The following PIEZO2 variants were observed in gnomAD, a reference collection of about 807,000 sequenced individuals.
PIEZO2 encodes piezo-type mechanosensitive ion channel component 2.
Under a neutral mutation model 337.3 loss-of-function variants are expected in PIEZO2, and 172 were observed. The observed-to-expected ratio is 0.51, with a 90% CI of 0.45 to 0.58. PIEZO2 has a LOEUF of 0.58. Among genes scored for constraint, PIEZO2 ranks in the 20% least tolerant of loss-of-function variants. PIEZO2 has a pLI of 0.00. For missense variants in PIEZO2, 3,028 were observed against 3,391.3 expected (o/e 0.89, Z 2.66); for synonymous variants, 1,251 against 1,228.5 (o/e 1.02, Z -0.38).
intron 39 of PIEZO2, chr18:10,709,091 TAAAGG>T (rs1473163744): frequency 3.9e-5 from 6 of 152,200 alleles, no homozygotes; most frequent in Non-Finnish European, 7.3e-5. Flanking sequence ...TAAAAGGCTG[TAAAGG>T]AAAGAACAAA....
Position 10,871,266 on chromosome 18 carries a change from T to G in PIEZO2, c.479A>C (p.Glu160Ala), listed in dbSNP as rs1047561401. The G allele has an allele frequency of 3.1e-5, 48 of 1,536,302 alleles. No homozygotes were observed. The highest frequency in any genetic ancestry group is 3.8e-5 in the Non-Finnish European group (43 of 1,146,638). Residue 160 changes from glutamate (E) to alanine (A), a missense_variant, in exon 5 of 56, where the codon GAA (glutamate) becomes GCA (alanine). This residue lies in a region of PIEZO2 where 542 missense variants were observed against 605.6 expected (regional missense o/e 0.89). Transcript: ENST00000674853. ...AGTTGGATTTACCAATTCTTCATTT[T>G]CAAACTCCGGGTTACTCTGTGCTGC... Reference protein sequence around the residue: ...DEAAQSNPEFENEELAEGEKI... With the variant: ...DEAAQSNPEFANEELAEGEKI...
intron 4 of PIEZO2, among the ~76,000 whole-genome samples, chr18:10,905,536 T>C (rs2043153343): frequency 6.7e-6 from 1 of 148,500 alleles, no homozygotes; most frequent in South Asian, 2.1e-4. Flanking sequence ...TGAGCCGAGA[T>C]CATGCCATTG....
At chr18:10,733,501 G>A (rs1380154393) in intron 35 of PIEZO2, among the ~76,000 whole-genome samples, 3 of 146,504 alleles carry the variant, frequency 2.0e-5, no homozygotes, top group Non-Finnish European at 4.5e-5. Context: ...GCAGGCTGGA[G>A]AGCAGTGGCG....
intron 42 of PIEZO2, 49 bp from the exon 43 acceptor site, chr18:10,702,220 G>T (rs1030304844): frequency 6.1e-6 from 9 of 1,479,866 alleles, no homozygotes; most frequent in African/African-American, 1.4e-5. Context: ...TTTAGGAATA[G>T]ATATACCTGT....
At chr18:11,085,814 C>T (rs1449585152) in intron 1 of PIEZO2, among the ~76,000 whole-genome samples, 1 of 146,508 alleles carries the variant, frequency 6.8e-6, no homozygotes, top group African/African-American at 2.6e-5. Context: ...TGCTTACTGG[C>T]ACTCAAAAAG....
chr18:11,139,481 C>A (rs1043089898), intron 1 of PIEZO2, among the ~76,000 whole-genome samples: 1 of 152,084 alleles, frequency 6.6e-6, no homozygotes, highest in Non-Finnish European at 1.5e-5. Flanking sequence ...GATATTATGA[C>A]GCCCTAATAA....
rs780515217 is a variant in PIEZO2 at position 10,853,347 on chromosome 18, A to G, written c.917+2006T>C. Among the ~76,000 whole-genome samples the G allele has an allele frequency of 3.3e-5, 5 of 152,188 alleles. No individual in the cohort carries two copies. Among genetic ancestry groups the G allele is most frequent in the Admixed American group, 1.3e-4 (2 of 15,272 alleles). ...AAGTCGCCTGCTTAGCCCACTTCCA[A>G]GTGTACTTCACTTCCTTTCATTCCT... On this transcript the variant is annotated intron_variant, in intron 7 of 55. Coordinates refer to ENST00000674853, the MANE Select transcript of PIEZO2 (RefSeq NM_001378183.1). This position sits in a 1 kb window ranked among gnomAD's most constrained non-coding sequence, Gnocchi z 4.2.
chr18:10,770,446 G>A (rs2038552679), intron 20 of PIEZO2, 138 bp from the exon 21 acceptor site: 4 of 786,718 alleles, frequency 5.1e-6, no homozygotes, highest in Non-Finnish European at 3.9e-6. Flanking sequence ...ACCAAAATCT[G>A]GAATAAGGAT....
Position 10,874,513 on chromosome 18 carries a change from C to G in PIEZO2, c.330-3098G>C, listed in dbSNP as rs574961501. 2.4e-4 allele frequency among the ~76,000 whole-genome samples: 37 copies of G among 152,228 alleles called. No individual in the cohort carries two copies. The South Asian group carries it at 7.1e-3, about 29-fold the overall frequency. On this transcript the variant is annotated intron_variant, in intron 4 of 55. Coordinates refer to ENST00000674853, the MANE Select transcript of PIEZO2 (RefSeq NM_001378183.1). ...GTATATCTAAGAGATATCTGCACTT[C>G]TATATTTACTGCGGCACTATTCACA...
chr18:10,916,729 A>G (rs1290495124), intron 3 of PIEZO2, among the ~76,000 whole-genome samples: 4 of 152,156 alleles, frequency 2.6e-5, no homozygotes, highest in Non-Finnish European at 5.9e-5. Context: ...ACGCGCTCCC[A>G]TAGTGCAGCA....
At chr18:11,050,805 A>ATATTATATATATATATATATAT (rs1267873853) in intron 2 of PIEZO2, among the ~76,000 whole-genome samples, 3,135 of 150,312 alleles carry the variant, frequency 0.021, 37 homozygotes, top group Middle Eastern at 0.062. Flanking sequence ...TATATATATA[A>ATATTATATATATATATATATAT]AATTAATAAT....
Position 11,102,286 on chromosome 18 carries a change from G to A in PIEZO2, c.65-36064C>T, listed in dbSNP as rs1044575419. On this transcript the variant is annotated intron_variant, in intron 1 of 55. Transcript: ENST00000674853. The surrounding 1 kb of genome is among the most constrained non-coding windows in gnomAD (Gnocchi z 5.7). The stretch of plus-strand genomic sequence containing the variant: ...TGAGCTTAATCTTCCCTTGCCCTGC[G>A]ATAAAAACCTGGCACATCCCATGAC... Among the ~76,000 whole-genome samples, 12 of 152,120 alleles carry A rather than the reference G, an allele frequency of 7.9e-5. No individual in the cohort carries two copies. The highest frequency in any genetic ancestry group is 1.2e-4 in the African/African-American group (5 of 41,406).
At position 10,672,612 on chromosome 18, in the gene PIEZO2, T is replaced by C; in HGVS notation, c.8345+78A>G. ...CTAAAATTAGCGAATTCTAAGAAGA[T>C]AAAAGGCTTCCCACTCTCAACTTTA... On this transcript the variant is annotated intron_variant, in intron 55 of 55. Coordinates refer to ENST00000674853, the MANE Select transcript of PIEZO2 (RefSeq NM_001378183.1). This position sits in a 1 kb window ranked among gnomAD's most constrained non-coding sequence, Gnocchi z 4.7. 2 of 1,481,322 alleles carry C rather than the reference T, an allele frequency of 1.4e-6. No homozygotes were observed. Among genetic ancestry groups the C allele is most frequent in the South Asian group, 1.2e-5 (1 of 80,386 alleles). 91.8% of individuals were successfully genotyped at this position (1,481,322 alleles called of 1,614,324 possible). A position where few individuals can be genotyped will look rare whatever the true frequency, so the allele number is the denominator to read the frequency against.
Position 10,682,119 on chromosome 18 carries a change from G to A in PIEZO2, c.7671C>T (p.Thr2557=). The A allele has an allele frequency of 5.9e-6, 9 of 1,536,674 alleles. No homozygotes were observed. Among genetic ancestry groups the A allele is most frequent in the Non-Finnish European group, 7.8e-6 (9 of 1,146,644 alleles). ...NQPLDVSVTI[T]LGGYQPIFTM... ...CAGAGATCACCTGATACCCTCCCAG[G>A]GTAATTGTGACGGAGACGTCCAGGG... The change falls in exon 50 of 56, where the codon ACC becomes ACT. Residue 2557 remains threonine, a synonymous_variant. Transcript: ENST00000674853. The surrounding 1 kb of genome is among the most constrained non-coding windows in gnomAD (Gnocchi z 5.6).
chr18:10,712,423 T>C (rs1196130948), intron 39 of PIEZO2, among the ~76,000 whole-genome samples: 1 of 152,240 alleles, frequency 6.6e-6, no homozygotes, highest in Non-Finnish European at 1.5e-5. Context: ...TTAAATACAA[T>C]GATCAATAGA....
At chr18:10,840,930 C>T (rs1468414588) in intron 7 of PIEZO2, among the ~76,000 whole-genome samples, 1 of 152,280 alleles carries the variant, frequency 6.6e-6, no homozygotes, top group Admixed American at 6.5e-5. Flanking sequence ...ATGACACAGG[C>T]ACACTAGTTA....
At chr18:11,056,411 C>G (rs541878667) in intron 2 of PIEZO2, among the ~76,000 whole-genome samples, 46 of 152,234 alleles carry the variant, frequency 3.0e-4, no homozygotes, top group African/African-American at 1.1e-3. Context: ...AGAAGAGCCT[C>G]GAGAGGAAGT....
In PIEZO2 at chr18:10,750,206, G is replaced by A. The variant is rs2037592915; in HGVS notation, c.4168-19C>T. On this transcript the variant is annotated intron_variant, in intron 28 of 55. Transcript: ENST00000674853. This position sits in a 1 kb window ranked among gnomAD's most constrained non-coding sequence, Gnocchi z 4.1. ...CTCCTATCTGAAAAACAAAAGAGGG[G>A]GATAATCCTGAAGCTCTGCAGCCAG... is the stretch of plus-strand genomic sequence containing the variant. 6.6e-7 allele frequency: 1 copy of A among 1,510,362 alleles called. No individual in the cohort carries two copies. Among genetic ancestry groups the A allele is most frequent in the Non-Finnish European group, 8.9e-7 (1 of 1,122,520 alleles). The allele number at this position is 1,510,362 out of a possible 1,614,324, so 93.6% of individuals were successfully genotyped here. A position where few individuals can be genotyped will look rare whatever the true frequency, so the allele number is the denominator to read the frequency against.
At chr18:10,760,063 CT>C (rs2038062623) in intron 24 of PIEZO2, among the ~76,000 whole-genome samples, 154 bp from the exon 25 acceptor site, 2 of 152,138 alleles carry the variant, frequency 1.3e-5, no homozygotes, top group African/African-American at 2.4e-5. Context: ...TTTTGAGTGT[CT>C]CAGCGTGAAG....
Sources: allele counts gnomAD v4.1 joint callset (sites outside exome capture counted in the v4.1 genomes callset), GRCh38; gene constraint gnomAD v4.1.1; regional missense constraint gnomAD v4.1.1; non-coding constraint Gnocchi (gnomAD v3.1); transcripts MANE v1.5; gene names NCBI Gene and HGNC (gene_info 2026-07-23, HGNC 2026-07-21).